The following CYTH3 variants were observed in gnomAD, a reference collection of about 807,000 sequenced individuals.
The protein encoded by CYTH3 is cytohesin-3.
CYTH3 carries 23 observed loss-of-function variants against 55.1 expected under a neutral mutation model. The ratio of observed to expected loss-of-function variants is 0.42; its 90% CI spans 0.30 to 0.59. The LOEUF is 0.59. Among genes scored for constraint, CYTH3 ranks in the 20% least tolerant of loss-of-function variants. The pLI is 0.20. For synonymous variants in CYTH3, 249 were observed against 194.9 expected (o/e 1.28, Z -2.31); for missense variants, 413 against 524.8 (o/e 0.79, Z 2.08).
At chr7:6,178,566 C>A (rs115034029) in intron 4 of CYTH3, among the ~76,000 whole-genome samples, 21 of 152,346 alleles carry the variant, frequency 1.4e-4, no homozygotes, top group Middle Eastern at 6.8e-3. Flanking sequence ...ATGTGATGAC[C>A]AGAGCCACAG....
intron 1 of CYTH3, among the ~76,000 whole-genome samples, chr7:6,211,091 G>A (rs964697155): frequency 3.3e-5 from 5 of 152,070 alleles, no homozygotes; most frequent in East Asian, 1.9e-4. Context: ...AACAAAATCC[G>A]AGTTCCTCAC....
At position 6,199,195 on chromosome 7, in the gene CYTH3, C is replaced by T. The variant is rs190866221; in HGVS notation, c.35-8664G>A. Among the ~76,000 whole-genome samples the T allele has an allele frequency of 1.7e-3, 264 of 152,310 alleles. 2 individuals are homozygous for T. The Middle Eastern group carries it at 0.024, about 14-fold the overall frequency. On this transcript the variant is annotated intron_variant, in intron 1 of 12. Coordinates refer to ENST00000350796, the MANE Select transcript of CYTH3 (RefSeq NM_004227.4). ...CTTGCCTTTCTCAGGCACTAGCCTTCCACAAACTTAGATCTGCAAAATCAC... is the reference window on the plus strand; with the variant it reads ...CTTGCCTTTCTCAGGCACTAGCCTTTCACAAACTTAGATCTGCAAAATCAC...
rs531680582 is a variant in CYTH3, at chr7:6,272,161, C to T, written c.34+313G>A. On this transcript the variant is annotated intron_variant, in intron 1 of 12. Transcript: ENST00000350796. Reference sequence around the variant, plus strand: ...GCGGGGAAGGTCGCCCCGCAAGGTCCCCCGCCCCAGAGGAGCGACACCCAA... The same window carrying T: ...GCGGGGAAGGTCGCCCCGCAAGGTCTCCCGCCCCAGAGGAGCGACACCCAA... 2.8e-4 allele frequency among the ~76,000 whole-genome samples: 43 copies of T among 152,298 alleles called. 2 individuals are homozygous for T. In the South Asian group the frequency reaches 8.5e-3, roughly 30 times the overall value.
chr7:6,249,677 C>G (rs1779910439), intron 1 of CYTH3, among the ~76,000 whole-genome samples: 1 of 152,234 alleles, frequency 6.6e-6, no homozygotes, highest in African/African-American at 2.4e-5. Context: ...GTGTTACACT[C>G]TATCCTTTGC....
chr7:6,185,561 A>G (rs537897143), intron 4 of CYTH3, among the ~76,000 whole-genome samples: 232 of 151,544 alleles, frequency 1.5e-3, no homozygotes, highest in Middle Eastern at 3.4e-3. Context: ...TTAGCCGGGC[A>G]TGGTGGCAGG....
At chr7:6,221,813 A>G (rs1389984607) in intron 1 of CYTH3, among the ~76,000 whole-genome samples, 2 of 152,162 alleles carry the variant, frequency 1.3e-5, no homozygotes, top group Non-Finnish European at 2.9e-5. Context: ...TTAGCCAGAC[A>G]TAGTGAGGCG....
chr7:6,216,783 A>T lies in CYTH3; in HGVS notation c.35-26252T>A, dbSNP rs142350066. Among the ~76,000 whole-genome samples, 307 of 151,856 alleles carry T rather than the reference A, an allele frequency of 2.0e-3. 2 individuals are homozygous for T. The highest frequency in any genetic ancestry group is 7.2e-3 in the African/African-American group (298 of 41,386). ...TGTATATACACACATACACATACAT[A>T]CACACACATATGTCAAACTGGAATT... On this transcript the variant is annotated intron_variant, in intron 1 of 12. Coordinates refer to ENST00000350796, the MANE Select transcript of CYTH3 (RefSeq NM_004227.4).
intron 4 of CYTH3, among the ~76,000 whole-genome samples, chr7:6,181,587 CTATGTG>C (rs1783503429): frequency 6.6e-6 from 1 of 152,180 alleles, no homozygotes; most frequent in Admixed American, 6.5e-5. Flanking sequence ...CTTGACACGT[CTATGTG>C]TATAAGTCTT....
At chr7:6,190,202 C>T (rs1026646856) in intron 2 of CYTH3, among the ~76,000 whole-genome samples, 1 of 152,154 alleles carries the variant, frequency 6.6e-6, no homozygotes, top group African/African-American at 2.4e-5. Context: ...CTCAGTTCTA[C>T]GATGTCTTGA....
intron 3 of CYTH3, 111 bp from the exon 4 acceptor site, chr7:6,187,227 A>C: frequency 1.6e-5 from 19 of 1,178,422 alleles, no homozygotes; most frequent in Non-Finnish European, 2.4e-5. Flanking sequence ...GAAGCGAAGC[A>C]CAGGCCCTCA....
intron 1 of CYTH3, among the ~76,000 whole-genome samples, chr7:6,250,084 G>A (rs1167311886): frequency 6.6e-6 from 1 of 152,098 alleles, no homozygotes; most frequent in Non-Finnish European, 1.5e-5. Flanking sequence ...GAAATTTGTT[G>A]TCCTATGTCC....
At chr7:6,214,182 G>A (rs918418649) in intron 1 of CYTH3, among the ~76,000 whole-genome samples, 2 of 152,172 alleles carry the variant, frequency 1.3e-5, no homozygotes, top group African/African-American at 4.8e-5. Flanking sequence ...ACGGATAAAC[G>A]GCCATGTGAT....
At position 6,190,446 on chromosome 7, in the gene CYTH3, T is replaced by A. The variant is rs1562888104; in HGVS notation, c.117+3A>T. 4.8e-6 allele frequency: 7 copies of A among 1,458,298 alleles called. No homozygotes were observed. The highest frequency in any genetic ancestry group is 2.7e-5 in the South Asian group (2 of 73,344). 90.3% of individuals were successfully genotyped at this position (1,458,298 alleles called of 1,614,324 possible). A position where few individuals can be genotyped will look rare whatever the true frequency, so the allele number is the denominator to read the frequency against. ...ATTTTTGGTTTTTTTTTTTTTTTTT[T>A]ACCTCAATGTCATCAATAAGTTCCT... On this transcript the variant is annotated splice_donor_region_variant and intron_variant, in intron 2 of 12. Transcript: ENST00000350796.
intron 1 of CYTH3, among the ~76,000 whole-genome samples, chr7:6,257,417 C>T (rs1780157408): frequency 6.6e-6 from 1 of 152,156 alleles, no homozygotes; most frequent in South Asian, 2.1e-4. Context: ...CTGTAAAGAA[C>T]TAAAAGGAAG....
rs771358784 is a variant in CYTH3, at chr7:6,170,596, G to A, written c.762C>T (p.Asp254=). 3 of 1,613,900 alleles carry A rather than the reference G, an allele frequency of 1.9e-6. No individual in the cohort carries two copies. The highest frequency in any genetic ancestry group is 1.7e-5 in the Admixed American group (1 of 59,998). ...AGAAGGTGTGGGTCAGGTCGTTCCC[G>A]TCGTCCTCCGGGATCTTAAATGGCT... is the stretch of plus-strand genomic sequence containing the variant. ...KNEPFKIPED[D]GNDLTHTFFN... is the part of the protein sequence containing the mutation. The change falls in exon 9 of 13, where the codon GAC becomes GAT. Residue 254 remains aspartate, a synonymous_variant. Coordinates refer to ENST00000350796, the MANE Select transcript of CYTH3 (RefSeq NM_004227.4). This position sits in a 1 kb window ranked among gnomAD's most constrained non-coding sequence, Gnocchi z 7.8.
chr7:6,272,423 C>A (rs771144675), intron 1 of CYTH3, 51 bp downstream of exon 1: 8 of 1,189,382 alleles, frequency 6.7e-6, no homozygotes, highest in African/African-American at 5.0e-5. Context: ...CCCCAGCCCC[C>A]GGCCCCCGAC....
intron 1 of CYTH3, among the ~76,000 whole-genome samples, chr7:6,251,522 G>A (rs574070762): frequency 3.2e-4 from 48 of 151,896 alleles, no homozygotes; most frequent in South Asian, 4.1e-4. Flanking sequence ...CGTTCATGGC[G>A]GCGCAGACAG....
At chr7:6,235,144 C>A (rs1779486463) in intron 1 of CYTH3, among the ~76,000 whole-genome samples, 1 of 152,202 alleles carries the variant, frequency 6.6e-6, no homozygotes, top group Non-Finnish European at 1.5e-5. Context: ...GGCTCGATGA[C>A]CACCTTTCCC....
At position 6,165,410 on chromosome 7, in the gene CYTH3, G is replaced by A. The variant is rs781368499; in HGVS notation, c.990C>T (p.Tyr330=). ...TGACCTGCCCTTTGTGGCTGGGATTGTAGAGCTCAAAACAGTTCTGGTGGA... is the reference window on the plus strand; with the variant it reads ...TGACCTGCCCTTTGTGGCTGGGATTATAGAGCTCAAAACAGTTCTGGTGGA... The part of the protein sequence containing the change: ...DPRKPNCFEL[Y]NPSHKGQVIK... The change falls in exon 12 of 13, where the codon TAC becomes TAT. Residue 330 remains tyrosine, a synonymous_variant. Coordinates refer to ENST00000350796, the MANE Select transcript of CYTH3 (RefSeq NM_004227.4). 1.2e-6 allele frequency: 2 copies of A among 1,613,766 alleles called. No homozygotes were observed. The highest frequency in any genetic ancestry group is 1.7e-6 in the Non-Finnish European group (2 of 1,179,840).
Sources: allele counts gnomAD v4.1 joint callset (sites outside exome capture counted in the v4.1 genomes callset), GRCh38; gene constraint gnomAD v4.1.1; non-coding constraint Gnocchi (gnomAD v3.1); transcripts MANE v1.5; gene names NCBI Gene and HGNC (gene_info 2026-07-23, HGNC 2026-07-21).